Variants in FRY observed in about 807,000 individuals in gnomAD.
FRY encodes protein furry homolog.
In FRY, 128 loss-of-function variants were observed where a neutral mutation model predicts 348.4. The observed-to-expected ratio is 0.37, with a 90% confidence interval of 0.32 to 0.43. The LOEUF is 0.43. Ranked by LOEUF, FRY falls within the 20% of genes least tolerant of loss-of-function variation. The pLI is 1.00. For synonymous variants in FRY, 1,370 were observed against 1,374.7 expected (o/e 1.00, Z 0.08); for missense variants, 2,736 against 3,695.2 (o/e 0.74, Z 6.73).
rs765390069 is a variant in FRY at position 32,147,425 on chromosome 13, G to A, written c.1283+40G>A. 8.3e-6 allele frequency: 9 copies of A among 1,089,984 alleles called. No homozygotes were observed. In the Admixed American group the frequency reaches 1.0e-4, roughly 13 times the overall value. The allele number at this position is 1,089,984 out of a possible 1,614,324, so 67.5% of individuals were successfully genotyped here. A position where few individuals can be genotyped will look rare whatever the true frequency, so the allele number is the denominator to read the frequency against. ...GTGTCAATGGTAACCATATCACTCAGCCACTGCAGAGGGTGTTTCTTTTAT... is the reference window on the plus strand; with the variant it reads ...GTGTCAATGGTAACCATATCACTCAACCACTGCAGAGGGTGTTTCTTTTAT... On this transcript the variant is annotated intron_variant, in intron 12 of 60. Transcript: ENST00000542859.
intron 1 of FRY, 56 bp from the exon 2 acceptor site, chr13:32,078,778 T>C (rs1593588403): frequency 2.4e-6 from 3 of 1,238,472 alleles, no homozygotes; most frequent in Middle Eastern, 4.8e-4. Flanking sequence ...ACACAGTCCA[T>C]CTGAATATTT....
At chr13:32,124,228 T>A in intron 4 of FRY, 58 bp from the exon 5 acceptor site, 1 of 1,028,724 alleles carries the variant, frequency 9.7e-7, no homozygotes, top group Non-Finnish European at 1.5e-6. Context: ...TTTTATGAAT[T>A]GTATTACTCT....
chr13:32,187,676 C>T lies in FRY; in HGVS notation c.3591+20C>T, dbSNP rs772070930. On this transcript the variant is annotated intron_variant, in intron 28 of 60. Transcript: ENST00000542859. ...TTACGAGTAAGTATAGGCAAAAATA[C>T]ATTGTTTTTGAATGTCTTCTGTGTT... 1.5e-6 allele frequency: 2 copies of T among 1,324,466 alleles called. No homozygotes were observed. The highest frequency in any genetic ancestry group is 2.2e-6 in the Non-Finnish European group (2 of 915,656). The allele number at this position is 1,324,466 out of a possible 1,614,324, so 82.0% of individuals were successfully genotyped here.
At chr13:32,161,371 G>A (rs1881435175) in intron 17 of FRY, 120 bp downstream of exon 17, 2 of 772,794 alleles carry the variant, frequency 2.6e-6, no homozygotes, top group Admixed American at 4.3e-5. Flanking sequence ...CTGGGTATGG[G>A]CAGGAAAAAA....
intron 56 of FRY, among the ~76,000 whole-genome samples, chr13:32,275,702 C>T (rs1054473888): frequency 6.6e-6 from 1 of 152,198 alleles, no homozygotes; most frequent in African/African-American, 2.4e-5. Context: ...GTTTCCCCAC[C>T]CCCAAGTCTC....
intron 15 of FRY, 112 bp from the exon 16 acceptor site, chr13:32,157,160 AG>A: frequency 1.0e-6 from 1 of 973,260 alleles, no homozygotes; most frequent in South Asian, 1.3e-5. Context: ...CTTTTGCTCA[AG>A]GAAGTCATTG....
intron 8 of FRY, 82 bp downstream of exon 8, chr13:32,131,922 AG>A: frequency 9.3e-7 from 1 of 1,070,038 alleles, no homozygotes; most frequent in Non-Finnish European, 1.5e-6. Context: ...GAACATGAAA[AG>A]CCAATTACTT....
chr13:32,047,802 A>T (rs1873108177), intron 1 of FRY, among the ~76,000 whole-genome samples: 1 of 152,098 alleles, frequency 6.6e-6, no homozygotes, highest in Non-Finnish European at 1.5e-5. Context: ...CGAGCTCCTG[A>T]CCTCAGGTGA....
chr13:32,265,602 G>C lies in FRY; in HGVS notation c.7932G>C (p.Gln2644His). The C allele has an allele frequency of 6.2e-7, 1 of 1,614,080 alleles. No individual in the cohort carries two copies. Among genetic ancestry groups the C allele is most frequent in the Non-Finnish European group, 8.5e-7 (1 of 1,179,990 alleles). The change falls in exon 54 of 61, where the codon CAG becomes CAC. Residue 2644 changes from glutamine (Q) to histidine (H), a missense_variant. Gln to His is a conservative substitution (Grantham distance 24). Transcript: ENST00000542859. ...AAAAAGGCAATCGGGCACTGGACCA[G>C]TTTACCCTGGCGAGGTAATGGAGCC... Reference protein sequence around the residue: ...GEEKGNRALDQFTLASFGEGD... With the variant: ...GEEKGNRALDHFTLASFGEGD...
chr13:32,236,642 T>C (rs1251410273), intron 43 of FRY, among the ~76,000 whole-genome samples: 2 of 152,208 alleles, frequency 1.3e-5, no homozygotes, highest in Non-Finnish European at 2.9e-5. Flanking sequence ...ATCTTTTTTT[T>C]TGCTCCTGCC....
At chr13:32,081,950 T>G (rs1488765117) in intron 2 of FRY, among the ~76,000 whole-genome samples, 2 of 152,230 alleles carry the variant, frequency 1.3e-5, no homozygotes, top group Non-Finnish European at 2.9e-5. Context: ...ACCCTGAATT[T>G]ATGCGGGTTT....
intron 4 of FRY, among the ~76,000 whole-genome samples, chr13:32,121,186 G>A (rs1357206186): frequency 1.3e-5 from 2 of 152,178 alleles, no homozygotes; most frequent in Admixed American, 1.3e-4. Context: ...TGGGCGTTTA[G>A]GTTGGTTTAC....
chr13:32,234,689 G>A lies in FRY; in HGVS notation c.5643G>A (p.Leu1881=), dbSNP rs1290326160. ...TATTCCGGGCCCTCAAGCAACCTCT[G>A]TCAGCACATGCCTTATCTGACCTTC... ...FQIFRALKQP[L]SAHALSDLLS... Residue 1881 remains leucine (L), a synonymous_variant, in exon 42 of 61, where the codon CTG becomes CTA. Transcript: ENST00000542859. 1 of 1,613,982 alleles carries A rather than the reference G, an allele frequency of 6.2e-7. No individual in the cohort carries two copies. The highest frequency in any genetic ancestry group is 1.1e-5 in the South Asian group (1 of 91,086).
intron 48 of FRY, among the ~76,000 whole-genome samples, 176 bp downstream of exon 48, chr13:32,247,678 G>A (rs1886876099): frequency 6.6e-6 from 1 of 152,082 alleles, no homozygotes; most frequent in South Asian, 2.1e-4. Flanking sequence ...ATATTCACTG[G>A]GACTCTCAGT....
intron 55 of FRY, among the ~76,000 whole-genome samples, chr13:32,274,511 T>A (rs111745466): frequency 2.0e-5 from 3 of 151,576 alleles, no homozygotes; most frequent in Admixed American, 2.0e-4. Flanking sequence ...GAGACCATCC[T>A]GGCTAACACA....
chr13:32,135,189 TA>T lies in FRY; in HGVS notation c.1077+8del. 6.4e-7 allele frequency: 1 copy of T among 1,556,718 alleles called. No individual in the cohort carries two copies. The highest frequency in any genetic ancestry group is 8.9e-7 in the Non-Finnish European group (1 of 1,127,734). On this transcript the variant is annotated splice_region_variant and intron_variant, in intron 10 of 60. Coordinates refer to ENST00000542859, the MANE Select transcript of FRY (RefSeq NM_023037.3). ...CTCGAAAGAAGCATTCCTTGGTTAG[TA>T]ACTATGAGAAAATCGAAAACACAAA...
chr13:32,234,509 T>C, intron 41 of FRY, 65 bp from the exon 42 acceptor site: 24 of 1,394,228 alleles, frequency 1.7e-5, no homozygotes, highest in Non-Finnish European at 2.3e-5. Flanking sequence ...AACTTAGAGG[T>C]AACTTTGATG....
intron 15 of FRY, among the ~76,000 whole-genome samples, chr13:32,156,960 A>G (rs186026618): frequency 1.7e-4 from 26 of 152,322 alleles, no homozygotes; most frequent in Admixed American, 1.4e-3. Context: ...TATGCTAACT[A>G]GAAACTTTAA....
chr13:32,103,991 G>T (rs181070634), intron 3 of FRY, among the ~76,000 whole-genome samples: 2 of 152,010 alleles, frequency 1.3e-5, no homozygotes, highest in Admixed American at 6.6e-5. Context: ...CTTATCACCT[G>T]TCTTTTATTA....
Sources: allele counts gnomAD v4.1 joint callset (sites outside exome capture counted in the v4.1 genomes callset), GRCh38; gene constraint gnomAD v4.1.1; transcripts MANE v1.5; gene names NCBI Gene and HGNC (gene_info 2026-07-23, HGNC 2026-07-21).